TEX15: variants seen among roughly 807,000 people sequenced by gnomAD.
TEX15 encodes the protein testis-expressed protein 15.
Under a neutral mutation model 237.3 loss-of-function variants are expected in TEX15, and 171 were observed. The observed-to-expected ratio is 0.72, with a 90% CI of 0.64 to 0.82. The LOEUF (loss-of-function observed/expected upper bound fraction) is 0.82. TEX15 is among the 40% of genes least tolerant of loss of function. The probability of loss-of-function intolerance (pLI) is 0.00; values close to 1 mark genes in which losing one functional copy is unlikely to be tolerated. For synonymous variants in TEX15, 1,338 were observed against 1,269.8 expected (o/e 1.05, Z -1.14); for missense variants, 3,750 against 3,646.5 (o/e 1.03, Z -0.73).
chr8:30,912,513 C>A (rs1011824680), intron 1 of TEX15, among the ~76,000 whole-genome samples: 1 of 152,172 alleles, frequency 6.6e-6, no homozygotes, highest in Non-Finnish European at 1.5e-5. Flanking sequence ...TGCCTCAGAG[C>A]AGCGAGTTTC....
chr8:30,877,014 G>C (rs1808413398), intron 3 of TEX15, among the ~76,000 whole-genome samples: 1 of 152,120 alleles, frequency 6.6e-6, no homozygotes, highest in Admixed American at 6.5e-5. Flanking sequence ...CTTCTGCCAT[G>C]ATTGTAAGTT....
At chr8:30,871,899 A>G (rs1302288035) in intron 4 of TEX15, among the ~76,000 whole-genome samples, 1 of 152,154 alleles carries the variant, frequency 6.6e-6, no homozygotes, top group Non-Finnish European at 1.5e-5. Flanking sequence ...CCAAAATACA[A>G]TGGTGGAGGA....
At chr8:30,884,669 T>C (rs775557138) in intron 3 of TEX15, among the ~76,000 whole-genome samples, 15 of 152,200 alleles carry the variant, frequency 9.9e-5, no homozygotes, top group Non-Finnish European at 2.1e-4. Context: ...ATAGGATCTG[T>C]AGTGATGTCC....
intron 2 of TEX15, among the ~76,000 whole-genome samples, chr8:30,895,675 G>GATTTTTTTT (rs1563276129): frequency 1.3e-5 from 1 of 76,970 alleles, no homozygotes; most frequent in Non-Finnish European, 2.2e-5. Context: ...TTAAACACAT[G>GATTTTTTTT]CTTTTTTTTT....
At chr8:30,870,155 T>G (rs1370438921) in intron 4 of TEX15, among the ~76,000 whole-genome samples, 1 of 151,930 alleles carries the variant, frequency 6.6e-6, no homozygotes, top group Non-Finnish European at 1.5e-5. Flanking sequence ...ACTTTTTAAC[T>G]AATATTTTAT....
rs369884354 is a variant in TEX15, at chr8:30,837,983, C to T, written c.8301G>A (p.Thr2767=). 5.0e-6 allele frequency: 8 copies of T among 1,613,778 alleles called. No homozygotes were observed. The highest frequency in any genetic ancestry group is 6.8e-6 in the Non-Finnish European group (8 of 1,179,972). ...ATCTTTGCATTTCAACCTTTTTTGGCGTTAAATGATTTCTTTTCAGACTGT... is the reference window on the plus strand; with the variant it reads ...ATCTTTGCATTTCAACCTTTTTTGGTGTTAAATGATTTCTTTTCAGACTGT... ...SCDSLKRNHL[T]PKKVEMQRSL... Residue 2767 remains threonine, a synonymous_variant, in exon 10 of 11, where the codon ACG becomes ACA. Transcript: ENST00000643185.
intron 4 of TEX15, among the ~76,000 whole-genome samples, chr8:30,872,965 T>C (rs1180314742): frequency 1.3e-5 from 2 of 152,160 alleles, no homozygotes; most frequent in African/African-American, 4.8e-5. Context: ...GTACAGTGTT[T>C]ATAATGTCTA....
chr8:30,861,462 T>C (rs550724058), intron 5 of TEX15, among the ~76,000 whole-genome samples: 1 of 152,304 alleles, frequency 6.6e-6, no homozygotes, highest in East Asian at 1.9e-4. Context: ...AGTACGTTCA[T>C]TCAACAATCA....
In TEX15 at chr8:30,868,384, A is replaced by C. The variant is rs1033952281; in HGVS notation, c.303-882T>G. ...GGTGGTACAATAGAGTGGTTCAGAC[A>C]CTAGGGTCCAAATGATTATCTGCAA... On this transcript the variant is annotated intron_variant, in intron 4 of 10. Coordinates refer to ENST00000643185, the MANE Select transcript of TEX15 (RefSeq NM_001350162.2). Among the ~76,000 whole-genome samples, 4 of 152,136 alleles carry C rather than the reference A, an allele frequency of 2.6e-5. No individual in the cohort carries two copies. In the South Asian group the frequency reaches 8.3e-4, roughly 32 times the overall value.
At chr8:30,874,187 G>A (rs1454804004) in intron 4 of TEX15, among the ~76,000 whole-genome samples, 1 of 152,124 alleles carries the variant, frequency 6.6e-6, no homozygotes, top group African/African-American at 2.4e-5. Context: ...CAGCATGTTT[G>A]AATCAAGAGG....
In TEX15 at chr8:30,844,163, G is replaced by T. The variant is rs367700016; in HGVS notation, c.6004C>A (p.Gln2002Lys). 2.5e-6 allele frequency: 4 copies of T among 1,613,068 alleles called. No homozygotes were observed. The highest frequency in any genetic ancestry group is 2.2e-5 in the East Asian group (1 of 44,852). The stretch of plus-strand genomic sequence containing the variant: ...GCTTCATCTGCCCTCTGCAAAATTT[G>T]AGATAGATTAGCTATAAGGGCCGTA... ...NHTALIANLS[Q>K]ILQRADEASS... Residue 2002 changes from glutamine to lysine, a missense_variant, in exon 8 of 11, where the codon CAA (glutamine) becomes AAA (lysine). Gln to Lys is a moderately conservative substitution (Grantham distance 53). Transcript: ENST00000643185.
intron 4 of TEX15, among the ~76,000 whole-genome samples, chr8:30,871,703 AC>A (rs1389591437): frequency 6.6e-6 from 1 of 152,116 alleles, no homozygotes; most frequent in Non-Finnish European, 1.5e-5. Context: ...GCTCATTCAC[AC>A]AAAGCACTTT....
At chr8:30,858,293 A>G (rs1807955005) in intron 7 of TEX15, among the ~76,000 whole-genome samples, 1 of 151,766 alleles carries the variant, frequency 6.6e-6, no homozygotes, top group Non-Finnish European at 1.5e-5. Context: ...TTGGAGATTC[A>G]CTACTTTTTT....
intron 1 of TEX15, among the ~76,000 whole-genome samples, chr8:30,902,196 A>G (rs1169716847): frequency 6.6e-6 from 1 of 151,824 alleles, no homozygotes; most frequent in African/African-American, 2.4e-5. Context: ...CTAATCAGGT[A>G]TATAAGAACT....
rs34002027 is a variant in TEX15 at position 30,895,676 on chromosome 8, C to CTTTTTTTTTT, written c.-10+3056_-10+3065dup. Among the ~76,000 whole-genome samples the CTTTTTTTTTT allele has an allele frequency of 6.6e-3, 398 of 60,048 alleles. 66 individuals carry two copies. Among genetic ancestry groups the CTTTTTTTTTT allele is most frequent in the Admixed American group, 0.017 (58 of 3,432 alleles). The allele number at this position is 60,048 out of a possible 152,430, so 39.4% of individuals were successfully genotyped here. ...CATGTCAACACCTTTTAAACACATG[C>CTTTTTTTTTT]TTTTTTTTTTTTTTTTTTTTTTTTG... On this transcript the variant is annotated intron_variant, in intron 2 of 10. Transcript: ENST00000643185.
chr8:30,843,235 A>G lies in TEX15; in HGVS notation c.6932T>C (p.Leu2311Ser). ...LRVNKCAFSK[L>S]QKIYDTLSKD... ...AGACAAAGTATCATATATCTTCTGC[A>G]ACTTAGAAAAGGCACATTTATTCAC... The change falls in exon 8 of 11, where the codon TTG (leucine) becomes TCG (serine). Residue 2311 changes from leucine to serine, a missense_variant. Transcript: ENST00000643185. 1 of 1,613,326 alleles carries G rather than the reference A, an allele frequency of 6.2e-7. No individual in the cohort carries two copies. Among genetic ancestry groups the G allele is most frequent in the Non-Finnish European group, 8.5e-7 (1 of 1,179,644 alleles).
Position 30,848,581 on chromosome 8 carries a change from G to C in TEX15, c.1586C>G (p.Ala529Gly). 1.4e-5 allele frequency: 22 copies of C among 1,614,064 alleles called. No individual in the cohort carries two copies. Among genetic ancestry groups the C allele is most frequent in the Non-Finnish European group, 1.9e-5 (22 of 1,180,004 alleles). The change falls in exon 8 of 11, where the codon GCA becomes GGA. Residue 529 changes from alanine (A) to glycine (G), a missense_variant. Physicochemically the swap from Ala to Gly is moderately conservative, Grantham distance 60. Coordinates refer to ENST00000643185, the MANE Select transcript of TEX15 (RefSeq NM_001350162.2). ...ATTACCTTGGTCCTTACATTGCCCT[G>C]CCATGGTAACTTTATTGGGAGGTAT... ...DCIPPNKVTM[A>G]GQCKDQGNFS...
intron 10 of TEX15, among the ~76,000 whole-genome samples, chr8:30,836,220 T>TG (rs2128765927): frequency 1.5e-5 from 2 of 132,996 alleles, no homozygotes; most frequent in South Asian, 5.2e-4. Flanking sequence ...TTTTTTTTTT[T>TG]TTTTTTTTTT....
intron 1 of TEX15, among the ~76,000 whole-genome samples, chr8:30,904,574 T>C (rs1319199899): frequency 6.6e-6 from 1 of 152,106 alleles, no homozygotes; most frequent in Non-Finnish European, 1.5e-5. Context: ...TAGAAATTCA[T>C]AAATTTCTAA....
Sources: gnomAD v4.1 joint callset for allele counts (sites outside exome capture counted in the v4.1 genomes callset) on GRCh38, gnomAD v4.1.1 for gene constraint, MANE v1.5 for transcripts, NCBI Gene and HGNC (gene_info 2026-07-23, HGNC 2026-07-21) for gene names.